The following ILDR2 variants were observed in gnomAD, a reference collection of about 807,000 sequenced individuals.
ILDR2 encodes the protein immunoglobulin like domain containing receptor 2, also known as immunoglobulin-like domain-containing receptor 2.
ILDR2 carries 25 observed loss-of-function variants against 66.8 expected under a neutral mutation model. That is an observed-to-expected ratio of 0.37 (90% CI 0.27 to 0.52). The LOEUF is 0.52. ILDR2 is among the 20% of genes least tolerant of loss of function. The pLI, the probability that ILDR2 is intolerant of heterozygous loss-of-function variation, is 0.88. For missense variants in ILDR2, 827 were observed against 876.8 expected, an observed-to-expected ratio of 0.94 and a Z score of 0.72; for synonymous variants, 367 against 357.2, an observed-to-expected ratio of 1.03 and a Z score of -0.31.
chr1:166,896,372 A>G (rs1186909788), intron 2 of ILDR2, among the ~76,000 whole-genome samples: 1 of 152,122 alleles, frequency 6.6e-6, no homozygotes, highest in East Asian at 1.9e-4. Context: ...GACAGGAGTC[A>G]GCATGTGAAG....
chr1:166,946,477 T>TA (rs1269994063), intron 3 of ILDR2, among the ~76,000 whole-genome samples: 10 of 146,958 alleles, frequency 6.8e-5, no homozygotes, highest in African/African-American at 2.3e-4. Flanking sequence ...GCTTTGAGGT[T>TA]GGTTTTTTGT....
At chr1:166,901,929 C>T (rs1331638268) in intron 2 of ILDR2, among the ~76,000 whole-genome samples, 3 of 152,208 alleles carry the variant, frequency 2.0e-5, no homozygotes, top group Non-Finnish European at 2.9e-5. Flanking sequence ...GGCGTGATCT[C>T]GGCTCACTGC....
intron 6 of ILDR2, among the ~76,000 whole-genome samples, chr1:166,933,880 T>C (rs1371399636): frequency 6.6e-6 from 1 of 152,182 alleles, no homozygotes; most frequent in Non-Finnish European, 1.5e-5. Flanking sequence ...ATTCTACTAA[T>C]AGCTCCTGGG....
At chr1:166,905,811 T>C (rs1004864687), downstream of ILDR2, among the ~76,000 whole-genome samples, 1 of 152,226 alleles carries the variant, frequency 6.6e-6, no homozygotes, top group Non-Finnish European at 1.5e-5. Flanking sequence ...TGGAAACTGA[T>C]AGAGGGCCTC....
chr1:166,929,823 T>C (rs1170813521), intron 6 of ILDR2, among the ~76,000 whole-genome samples: 2 of 152,226 alleles, frequency 1.3e-5, no homozygotes, highest in African/African-American at 4.8e-5. Context: ...GGCGGTTTAT[T>C]GGAGAATTTT....
At chr1:166,924,962 G>T (rs986466445) in intron 7 of ILDR2, among the ~76,000 whole-genome samples, 1 of 152,164 alleles carries the variant, frequency 6.6e-6, no homozygotes, top group African/African-American at 2.4e-5. Context: ...GCTGCAGTGA[G>T]CTGTGTTTGC....
At chr1:166,974,162 C>T (rs112184531) in intron 1 of ILDR2, among the ~76,000 whole-genome samples, 1 of 152,278 alleles carries the variant, frequency 6.6e-6, no homozygotes, top group African/African-American at 2.4e-5. Flanking sequence ...TCCCTTTTCT[C>T]TCCTGCCTTC....
intron 2 of ILDR2, among the ~76,000 whole-genome samples, chr1:166,899,015 G>T (rs577627727): frequency 2.0e-4 from 30 of 152,132 alleles, no homozygotes; most frequent in African/African-American, 6.7e-4. Context: ...AGCCATGATT[G>T]CCCCACTGCA....
At chr1:166,919,428 T>A in intron 9 of ILDR2, 38 bp from the exon 10 acceptor site, 1 of 1,582,344 alleles carries the variant, frequency 6.3e-7, no homozygotes, top group Non-Finnish European at 8.7e-7. Flanking sequence ...TTAAGCCACA[T>A]GCTAGTTAAA....
At chr1:166,956,894 C>A in intron 2 of ILDR2, 42 bp from the exon 3 acceptor site, 2 of 1,600,730 alleles carry the variant, frequency 1.2e-6, no homozygotes, top group Non-Finnish European at 1.7e-6. Flanking sequence ...AAACTCTGTC[C>A]TCTGAAAGAA....
Position 166,935,492 on chromosome 1 carries a change from C to T in ILDR2, c.704-15G>A. 6.5e-7 allele frequency: 1 copy of T among 1,544,490 alleles called. No homozygotes were observed. Among genetic ancestry groups the T allele is most frequent in the Non-Finnish European group, 8.7e-7 (1 of 1,147,218 alleles). ...TGCTTCATACACTGTGGAGGGAGAT[C>T]AAGAGCAAGAGAGATTACGTCGTCC... On this transcript the variant is annotated splice_polypyrimidine_tract_variant and intron_variant, in intron 5 of 9. Coordinates refer to ENST00000271417, the MANE Select transcript of ILDR2 (RefSeq NM_199351.3).
intron 2 of ILDR2, among the ~76,000 whole-genome samples, chr1:166,897,579 T>A (rs1394143921): frequency 6.6e-6 from 1 of 151,120 alleles, no homozygotes; most frequent in Non-Finnish European, 1.5e-5. Context: ...AGGGGAGGAG[T>A]GGGGACTTGG....
chr1:166,969,963 G>T (rs987879069), intron 1 of ILDR2, among the ~76,000 whole-genome samples: 1 of 152,160 alleles, frequency 6.6e-6, no homozygotes, highest in African/African-American at 2.4e-5. Flanking sequence ...GATCAAATGG[G>T]ATAATGTCTA....
chr1:166,898,919 A>T (rs1196899602), intron 2 of ILDR2, among the ~76,000 whole-genome samples: 1 of 151,524 alleles, frequency 6.6e-6, no homozygotes, highest in Non-Finnish European at 1.5e-5. Context: ...AATTAGCCGG[A>T]CATGGTGGCA....
intron 7 of ILDR2, among the ~76,000 whole-genome samples, chr1:166,926,387 A>G (rs1367569954): frequency 6.6e-6 from 1 of 152,022 alleles, no homozygotes; most frequent in Non-Finnish European, 1.5e-5. Flanking sequence ...GGGCCCGGCC[A>G]CCTCAGACTT....
chr1:166,913,287 A>G lies in ILDR2; in HGVS notation c.*6068T>C, dbSNP rs1189144442. On this transcript the variant is annotated 3_prime_UTR_variant, in exon 10 of 10. Transcript: ENST00000271417. ...CTGACACAGAAAAAAAAAGTCATGG[A>G]CAACAGTAATACAAACATTTCAGTT... is the stretch of plus-strand genomic sequence containing the variant. 2 of 152,204 alleles carry G rather than the reference A, an allele frequency of 1.3e-5. No individual in the cohort carries two copies. Among genetic ancestry groups the G allele is most frequent in the Non-Finnish European group, 2.9e-5 (2 of 68,036 alleles). 9.4% of individuals were successfully genotyped at this position (152,204 alleles called of 1,614,324 possible).
intron 2 of ILDR2, 117 bp from the exon 3 acceptor site, chr1:166,956,969 T>G: frequency 1.0e-6 from 1 of 1,000,818 alleles, no homozygotes; most frequent in Non-Finnish European, 1.4e-6. Context: ...ATTTTCTTTC[T>G]TTATCTGGAT....
intron 3 of ILDR2, chr1:166,944,035 A>T (rs1393242494): frequency 1.2e-5 from 2 of 160,582 alleles, no homozygotes; most frequent in Non-Finnish European, 2.6e-5. Flanking sequence ...GCATACTAAT[A>T]CTTTGTACAT....
chr1:166,966,842 TAGAC>T (rs1453392288), intron 1 of ILDR2, among the ~76,000 whole-genome samples: 8 of 152,188 alleles, frequency 5.3e-5, no homozygotes, highest in Admixed American at 5.2e-4. Context: ...AACAGCCACT[TAGAC>T]AGGAAAAAAC....
Sources: allele counts gnomAD v4.1 joint callset (sites outside exome capture counted in the v4.1 genomes callset), GRCh38; gene constraint gnomAD v4.1.1; transcripts MANE v1.5; gene names NCBI Gene and HGNC (gene_info 2026-07-23, HGNC 2026-07-21).